Variants in MERTK observed in about 807,000 individuals in gnomAD.
MERTK encodes MER proto-oncogene, tyrosine kinase.
In MERTK, 69 loss-of-function variants were observed where a neutral mutation model predicts 99.3. That is an observed-to-expected ratio of 0.70 (90% CI 0.57 to 0.85). The LOEUF (loss-of-function observed/expected upper bound fraction) is 0.85, where lower values mean the gene tolerates loss of function less well. Ranked by LOEUF, MERTK falls within the 40% of genes least tolerant of loss-of-function variation. The probability of loss-of-function intolerance (pLI) is 0.00; values close to 1 mark genes in which losing one functional copy is unlikely to be tolerated. For missense variants in MERTK, 1,125 were observed against 1,249.4 expected (o/e 0.90, Z 1.50); for synonymous variants, 426 against 467.6 (o/e 0.91, Z 1.15).
At chr2:111,903,735 T>G (rs1684087353) in intron 1 of MERTK, among the ~76,000 whole-genome samples, 1 of 152,176 alleles carries the variant, frequency 6.6e-6, no homozygotes, top group South Asian at 2.1e-4. Flanking sequence ...TCTGGGGCTT[T>G]GGGGGTGGTG....
chr2:111,961,437 G>A (rs1234665822), intron 4 of MERTK, among the ~76,000 whole-genome samples: 3 of 152,004 alleles, frequency 2.0e-5, no homozygotes, highest in African/African-American at 7.2e-5. Context: ...TTACAGGCAT[G>A]AGCCACCGCA....
At chr2:111,929,042 T>C in intron 1 of MERTK, 78 bp from the exon 2 acceptor site, 1 of 1,516,812 alleles carries the variant, frequency 6.6e-7, no homozygotes, top group Non-Finnish European at 9.1e-7. Context: ...CTCTCTCTTC[T>C]TGGCCTAAGA....
rs541939261 is a variant in MERTK, at chr2:111,971,263, C to G, written c.960+3011C>G. Among the ~76,000 whole-genome samples, 283 of 152,036 alleles carry G rather than the reference C, an allele frequency of 1.9e-3. 8 individuals carry two copies. The South Asian group carries it at 0.058, about 31-fold the overall frequency. Reference sequence around the variant, plus strand: ...CAATCTTATTTATCTTTTTGAATAACCAACCTTTGATTTTGTGAATTTTTT... The same window carrying G: ...CAATCTTATTTATCTTTTTGAATAAGCAACCTTTGATTTTGTGAATTTTTT... On this transcript the variant is annotated intron_variant, in intron 6 of 18. Transcript: ENST00000295408.
intron 15 of MERTK, among the ~76,000 whole-genome samples, chr2:112,011,819 G>A (rs900563568): frequency 1.3e-5 from 2 of 152,214 alleles, no homozygotes; most frequent in African/African-American, 2.4e-5. Context: ...TGACTCTAAG[G>A]TGGGCACTGA....
At chr2:111,985,508 T>G (rs1214628226) in intron 8 of MERTK, among the ~76,000 whole-genome samples, 1 of 152,154 alleles carries the variant, frequency 6.6e-6, no homozygotes, top group Non-Finnish European at 1.5e-5. Context: ...CTAACCCTAG[T>G]GACAGATTGT....
chr2:111,933,793 C>T (rs1684716328), intron 2 of MERTK, among the ~76,000 whole-genome samples: 1 of 152,004 alleles, frequency 6.6e-6, no homozygotes, highest in African/African-American at 2.4e-5. Context: ...CATAGGTATA[C>T]ACGTGCCATG....
Position 112,021,434 on chromosome 2 carries a change from CA to C in MERTK, c.2203del (p.Met735Ter). 1 of 1,613,456 alleles carries C rather than the reference CA, an allele frequency of 6.2e-7. No homozygotes were observed. Among genetic ancestry groups the C allele is most frequent in the Non-Finnish European group, 8.5e-7 (1 of 1,179,876 alleles). ...AARNCMLRDDMTVCVADFGLS... is the reference protein window; with the variant it reads ...AARNCMLRDDXTVCVADFGLS... ...CTGCTCTCTGTAGGTTGCGAGATGA[CA>C]TGACTGTCTGTGTTGCGGACTTCGG... On this transcript the variant is annotated frameshift_variant, in exon 17 of 19. Coordinates refer to ENST00000295408, the MANE Select transcript of MERTK (RefSeq NM_006343.3). LOFTEE classifies it high-confidence loss of function.
chr2:111,933,638 G>C (rs1049571782), intron 2 of MERTK, among the ~76,000 whole-genome samples: 8 of 152,156 alleles, frequency 5.3e-5, no homozygotes, highest in Non-Finnish European at 1.0e-4. Flanking sequence ...GAGGTCTCTA[G>C]ATTGAGGACC....
intron 1 of MERTK, among the ~76,000 whole-genome samples, chr2:111,902,935 C>G (rs1684072990): frequency 6.6e-6 from 1 of 152,168 alleles, no homozygotes; most frequent in Non-Finnish European, 1.5e-5. Context: ...CCTGCCACCA[C>G]AGCTGGCTAA....
At chr2:112,023,884 T>TAC (rs573914265) in intron 18 of MERTK, among the ~76,000 whole-genome samples, 39 of 150,204 alleles carry the variant, frequency 2.6e-4, no homozygotes, top group Non-Finnish European at 3.0e-4. Flanking sequence ...GCACCCTCCC[T>TAC]ACACACACAC....
chr2:112,028,493 T>G lies in MERTK; in HGVS notation c.2629T>G (p.Leu877Val). ...QADVIYVNTQ[L>V]LESSEGLAQG... ...AGACGTTATTTACGTCAATACACAG[T>G]TGCTGGAGAGCTCTGAGGGCCTGGC... The change falls in exon 19 of 19, where the codon TTG (leucine) becomes GTG (valine). Residue 877 changes from leucine to valine, a missense_variant. Coordinates refer to ENST00000295408, the MANE Select transcript of MERTK (RefSeq NM_006343.3). 1 of 1,614,218 alleles carries G rather than the reference T, an allele frequency of 6.2e-7. No individual in the cohort carries two copies. The highest frequency in any genetic ancestry group is 2.2e-5 in the East Asian group (1 of 44,892).
At chr2:111,924,565 T>G (rs978771057) in intron 1 of MERTK, among the ~76,000 whole-genome samples, 6 of 152,154 alleles carry the variant, frequency 3.9e-5, no homozygotes, top group African/African-American at 1.4e-4. Flanking sequence ...CCTGCTCTTC[T>G]TCCTCCTACT....
intron 5 of MERTK, 64 bp from the exon 6 acceptor site, chr2:111,968,073 G>A: frequency 8.6e-7 from 1 of 1,157,436 alleles, no homozygotes; most frequent in Non-Finnish European, 1.3e-6. Flanking sequence ...TTTGGTAGCT[G>A]TAGCCTGTCA....
chr2:111,933,704 A>C (rs1440737994), intron 2 of MERTK, among the ~76,000 whole-genome samples: 1 of 152,134 alleles, frequency 6.6e-6, no homozygotes, highest in Non-Finnish European at 1.5e-5. Flanking sequence ...GAGTTACTAG[A>C]GACTGACCCT....
intron 1 of MERTK, chr2:111,913,061 T>C: frequency 1.0e-6 from 1 of 985,400 alleles, no homozygotes; most frequent in Non-Finnish European, 1.2e-6. Flanking sequence ...GTGAAAAAGT[T>C]TCTGTGTGGG....
intron 3 of MERTK, among the ~76,000 whole-genome samples, 157 bp downstream of exon 3, chr2:111,945,217 T>A (rs968877749): frequency 6.6e-6 from 1 of 152,218 alleles, no homozygotes; most frequent in Non-Finnish European, 1.5e-5. Context: ...TACAAGGTAC[T>A]CCACTTTGTA....
intron 6 of MERTK, among the ~76,000 whole-genome samples, chr2:111,971,934 C>G (rs563529131): frequency 6.6e-6 from 1 of 152,318 alleles, no homozygotes; most frequent in South Asian, 2.1e-4. Context: ...GTCTGTTTCT[C>G]CCTTCCGTTC....
At chr2:111,904,763 C>T (rs1194013219) in intron 1 of MERTK, among the ~76,000 whole-genome samples, 2 of 152,160 alleles carry the variant, frequency 1.3e-5, no homozygotes, top group East Asian at 3.9e-4. Flanking sequence ...GGCTTTGGTT[C>T]TTAGAGTAGA....
Position 111,947,574 on chromosome 2 carries a change from C to T in MERTK, c.757+7C>T. 6.2e-7 allele frequency: 1 copy of T among 1,613,882 alleles called. No homozygotes were observed. Among genetic ancestry groups the T allele is most frequent in the East Asian group, 2.2e-5 (1 of 44,878 alleles). On this transcript the variant is annotated splice_region_variant and intron_variant, in intron 4 of 18. Transcript: ENST00000295408. ...TCCGTGCTAACTGTTCCAGGTAAGT[C>T]CGAGCTGTGGGCTTATTGATTTATT...
Sources: gnomAD v4.1 joint callset for allele counts (sites outside exome capture counted in the v4.1 genomes callset) on GRCh38, gnomAD v4.1.1 for gene constraint, MANE v1.5 for transcripts, NCBI Gene and HGNC (gene_info 2026-07-23, HGNC 2026-07-21) for gene names.